Variants in FAT1 observed in about 807,000 individuals in gnomAD.
FAT1 encodes the protein FAT atypical cadherin 1.
FAT1 carries 171 observed loss-of-function variants against 329.8 expected under a neutral mutation model. That is an observed-to-expected ratio of 0.52 (90% CI 0.46 to 0.59). The LOEUF is 0.59. Ranked by LOEUF, FAT1 falls within the 20% of genes least tolerant of loss-of-function variation. The pLI is 0.00. For missense variants in FAT1, 5,672 were observed against 5,774.4 expected (o/e 0.98, Z 0.57); for synonymous variants, 2,233 against 2,228.6 (o/e 1.00, Z -0.06).
rs886439936 is a variant in FAT1, at chr4:186,636,878, T to C, written c.3679A>G (p.Thr1227Ala). Residue 1227 changes from threonine to alanine, a missense_variant, in exon 5 of 27, where the codon ACC becomes GCC. Around this residue, in one of 2 missense-constraint regions of FAT1, gnomAD observed 3,966 missense variants for 3,915.2 expected, o/e 1.01. Transcript: ENST00000441802. ...VTDNGSPPKSTIARVIVKILD... is the reference protein window; with the variant it reads ...VTDNGSPPKSAIARVIVKILD... ...ATTTTCACAATGACTCTTGCAATGG[T>C]TGATTTGGGGGGACTACCATTGTCT... The C allele has an allele frequency of 8.7e-6, 14 of 1,613,316 alleles. No homozygotes were observed. The highest frequency in any genetic ancestry group is 9.3e-6 in the Non-Finnish European group (11 of 1,179,662).
chr4:186,675,823 AC>A (rs1742930481), intron 2 of FAT1, among the ~76,000 whole-genome samples: 3 of 143,648 alleles, frequency 2.1e-5, no homozygotes, highest in South Asian at 2.2e-4. Context: ...ACACACACAC[AC>A]AATTAATTTT....
At chr4:186,664,375 T>A (rs1742333417) in intron 2 of FAT1, among the ~76,000 whole-genome samples, 1 of 152,156 alleles carries the variant, frequency 6.6e-6, no homozygotes, top group South Asian at 2.1e-4. Context: ...GGCCACATCA[T>A]TCTTAAATAC....
intron 2 of FAT1, among the ~76,000 whole-genome samples, chr4:186,692,061 T>TC (rs140172746): frequency 0.023 from 3,469 of 151,894 alleles, 124 homozygotes; most frequent in African/African-American, 0.079. Flanking sequence ...TTGTTTTTCT[T>TC]CCCCCCCATG....
rs367799188 is a variant in FAT1 at position 186,588,999 on chromosome 4, C to T, written c.13360G>A (p.Glu4454Lys). 1.8e-5 allele frequency: 29 copies of T among 1,613,930 alleles called. No homozygotes were observed. Among genetic ancestry groups the T allele is most frequent in the East Asian group, 1.1e-4 (5 of 44,868 alleles). ...ATGGATTCAAACTGATTGCTGAATT[C>T]GGGCGGTAACGGTGGTAGCTCATCA... ...AADELPPLPPEFSNQFESIHP... is the reference protein window; with the variant it reads ...AADELPPLPPKFSNQFESIHP... The change falls in exon 27 of 27, where the codon GAA becomes AAA. Residue 4454 changes from glutamate to lysine, a missense_variant. Glu to Lys is a moderately conservative substitution (Grantham distance 56). This residue lies in a region of FAT1 where 1,706 missense variants were observed against 1,859.1 expected (regional missense o/e 0.92). Transcript: ENST00000441802.
At chr4:186,668,417 G>A (rs528360142) in intron 2 of FAT1, among the ~76,000 whole-genome samples, 3 of 152,268 alleles carry the variant, frequency 2.0e-5, no homozygotes, top group South Asian at 2.1e-4. Flanking sequence ...GACTGGGAAC[G>A]CCTTCAAAAC....
intron 6 of FAT1, 147 bp downstream of exon 6, chr4:186,635,878 A>C (rs1579362956): frequency 1.5e-6 from 1 of 686,302 alleles, no homozygotes; most frequent in East Asian, 2.7e-5. Flanking sequence ...TTTTGCAATC[A>C]AAATATTATA....
chr4:186,595,950 GAAAGAA>G, intron 25 of FAT1, 124 bp from the exon 26 acceptor site: 1 of 1,033,510 alleles, frequency 9.7e-7, no homozygotes, highest in Non-Finnish European at 1.4e-6. Flanking sequence ...ATGAATGACT[GAAAGAA>G]AAACAGAAAC....
At position 186,620,981 on chromosome 4, in the gene FAT1, C is replaced by T. The variant is rs778103286; in HGVS notation, c.5605G>A (p.Val1869Ile). Residue 1869 changes from valine (V) to isoleucine (I), a missense_variant, in exon 10 of 27, where the codon GTA becomes ATA. Physicochemically the swap from Val to Ile is conservative, Grantham distance 29. Around this residue, in one of 2 missense-constraint regions of FAT1, gnomAD observed 3,966 missense variants for 3,915.2 expected, o/e 1.01. Coordinates refer to ENST00000441802, the MANE Select transcript of FAT1 (RefSeq NM_005245.4). ...GGGGGGCAGTCATTAATGTCAATTA[C>T]ATGTACTGTTACATTCGCTGCATAC... Reference protein sequence around the residue: ...AEYAANVTVHVIDINDCPPVF... With the variant: ...AEYAANVTVHIIDINDCPPVF... The T allele has an allele frequency of 6.2e-7, 1 of 1,613,384 alleles. No individual in the cohort carries two copies. Among genetic ancestry groups the T allele is most frequent in the Admixed American group, 1.7e-5 (1 of 60,030 alleles).
Position 186,618,459 on chromosome 4 carries a change from G to A in FAT1, c.8127C>T (p.Thr2709=), listed in dbSNP as rs2126495583. The A allele has an allele frequency of 6.2e-7, 1 of 1,614,002 alleles. No individual in the cohort carries two copies. The part of the protein sequence containing the change: ...QLPKFSEPFY[T]FTVSEDVPIG... ...TAGGCACGTCCTCTGACACTGTAAA[G>A]GTATAGAAAGGTTCTGAAAATTTTG... Residue 2709 remains threonine (T), a synonymous_variant, in exon 10 of 27, where the codon ACC becomes ACT. Coordinates refer to ENST00000441802, the MANE Select transcript of FAT1 (RefSeq NM_005245.4).
chr4:186,595,348 G>A (rs1297663734), intron 26 of FAT1, among the ~76,000 whole-genome samples: 5 of 152,004 alleles, frequency 3.3e-5, no homozygotes, highest in Middle Eastern at 3.4e-3. Flanking sequence ...TGCGTGCTGC[G>A]TGGTTAAGAA....
intron 2 of FAT1, among the ~76,000 whole-genome samples, chr4:186,695,481 G>A (rs1417641318): frequency 6.6e-6 from 1 of 152,190 alleles, no homozygotes; most frequent in Non-Finnish European, 1.5e-5. Context: ...TGGAAGAGCA[G>A]CCTTAACTAT....
intron 3 of FAT1, among the ~76,000 whole-genome samples, chr4:186,657,626 T>C (rs923568007): frequency 6.6e-6 from 1 of 152,174 alleles, no homozygotes; most frequent in East Asian, 1.9e-4. Flanking sequence ...TTTAAATATG[T>C]GCAATTTGCT....
At chr4:186,701,117 ACAT>A (rs1419771373) in intron 2 of FAT1, among the ~76,000 whole-genome samples, 2 of 152,224 alleles carry the variant, frequency 1.3e-5, no homozygotes, top group African/African-American at 4.8e-5. Context: ...AACGTGGTAA[ACAT>A]CATACAAATA....
At chr4:186,723,256 G>T (rs930585192) in intron 1 of FAT1, among the ~76,000 whole-genome samples, 4 of 152,214 alleles carry the variant, frequency 2.6e-5, no homozygotes, top group African/African-American at 9.6e-5. Context: ...AACACCCAGA[G>T]ACCCAGGGAC....
At chr4:186,599,838 G>A (rs896591927) in intron 22 of FAT1, 60 bp downstream of exon 22, 5 of 1,276,564 alleles carry the variant, frequency 3.9e-6, no homozygotes, top group African/African-American at 1.5e-5. Context: ...TACCTGGGGA[G>A]CTTCCCCTTA....
rs762309111 is a variant in FAT1, at chr4:186,595,654, GC to G, written c.13138+34del. 14 of 1,610,252 alleles carry G rather than the reference GC, an allele frequency of 8.7e-6. No individual in the cohort carries two copies. In the African/African-American group the frequency reaches 1.7e-4, roughly 20 times the overall value. ...GATAACACAGTAACACAACAAGCAAGCAAAGCGCAGTGTTGCAGCACACTGC... is the reference window on the plus strand; with the variant it reads ...GATAACACAGTAACACAACAAGCAAGAAAGCGCAGTGTTGCAGCACACTGC... On this transcript the variant is annotated intron_variant, in intron 26 of 26. Coordinates refer to ENST00000441802, the MANE Select transcript of FAT1 (RefSeq NM_005245.4).
chr4:186,712,092 G>A (rs190252074), intron 1 of FAT1, among the ~76,000 whole-genome samples: 187 of 152,194 alleles, frequency 1.2e-3, no homozygotes, highest in Non-Finnish European at 1.9e-3. Context: ...TTAATTCTAC[G>A]TATAAAGTTA....
chr4:186,620,352 C>T lies in FAT1; in HGVS notation c.6234G>A (p.Ala2078=), dbSNP rs750565880. Residue 2078 remains alanine (A), a synonymous_variant, in exon 10 of 27, where the codon GCG becomes GCA. Coordinates refer to ENST00000441802, the MANE Select transcript of FAT1 (RefSeq NM_005245.4). Reference sequence around the variant, plus strand: ...AGTAGGGAAGGTTGACAAACACCGGCGCATTATCATTTTGGTCTTCTACAA... The same window carrying T: ...AGTAGGGAAGGTTGACAAACACCGGTGCATTATCATTTTGGTCTTCTACAA... The part of the protein sequence containing the change: ...KVIVEDQNDN[A]PVFVNLPYYA... 51 of 1,613,850 alleles carry T rather than the reference C, an allele frequency of 3.2e-5. No homozygotes were observed. The Middle Eastern group carries it at 1.2e-3, about 36-fold the overall frequency.
At chr4:186,607,005 G>A (rs949815041) in intron 16 of FAT1, among the ~76,000 whole-genome samples, 14 of 152,196 alleles carry the variant, frequency 9.2e-5, no homozygotes, top group African/African-American at 3.1e-4. Flanking sequence ...TAAAGGATCT[G>A]GGTTCTTTAG....
Sources: gnomAD v4.1 joint callset for allele counts (sites outside exome capture counted in the v4.1 genomes callset) on GRCh38, gnomAD v4.1.1 for gene constraint, gnomAD v4.1.1 regional missense constraint, MANE v1.5 for transcripts, NCBI Gene and HGNC (gene_info 2026-07-23, HGNC 2026-07-21) for gene names.